Variants in ACSF3 observed in about 807,000 individuals in gnomAD.
ACSF3 encodes the protein malonate--CoA ligase ACSF3, mitochondrial.
In ACSF3, 78 loss-of-function variants were observed where a neutral mutation model predicts 53.2. The observed-to-expected ratio is 1.47, with a 90% confidence interval of 1.22 to 1.77. ACSF3 has a LOEUF of 1.77. Ranked by LOEUF, ACSF3 falls within the 40% of genes most tolerant of loss-of-function variation. ACSF3 has a pLI of 0.00. For missense variants in ACSF3, 937 were observed against 771.1 expected (o/e 1.22, Z -2.55); for synonymous variants, 414 against 333.1 (o/e 1.24, Z -2.65).
At chr16:89,127,722 G>A (rs1908430736) in intron 7 of ACSF3, among the ~76,000 whole-genome samples, 1 of 152,066 alleles carries the variant, frequency 6.6e-6, no homozygotes, top group East Asian at 1.9e-4. Flanking sequence ...AGTGCTTATA[G>A]GACTGTTCAG....
intron 7 of ACSF3, among the ~76,000 whole-genome samples, chr16:89,123,336 G>T (rs1907119078): frequency 6.6e-6 from 1 of 152,198 alleles, no homozygotes; most frequent in Admixed American, 6.5e-5. Flanking sequence ...GAGACCTGCT[G>T]CTCTCTCATG....
intron 6 of ACSF3, among the ~76,000 whole-genome samples, chr16:89,118,507 A>G (rs1305497840): frequency 6.6e-6 from 1 of 152,202 alleles, no homozygotes; most frequent in African/African-American, 2.4e-5. Flanking sequence ...GGCTCCAGCC[A>G]CAGGCTCTGA....
intron 7 of ACSF3, among the ~76,000 whole-genome samples, chr16:89,125,701 A>AGAGAGG (rs1002243024): frequency 6.6e-6 from 1 of 150,618 alleles, no homozygotes; most frequent in African/African-American, 2.4e-5. Flanking sequence ...AAAAAAAAAG[A>AGAGAGG]GAGAGAGAGA....
chr16:89,146,642 C>G (rs1913014569), intron 10 of ACSF3, among the ~76,000 whole-genome samples: 1 of 152,242 alleles, frequency 6.6e-6, no homozygotes, highest in African/African-American at 2.4e-5. Flanking sequence ...TCAGTCATTT[C>G]ACTTTCCCCT....
chr16:89,151,188 C>T (rs1244772561), intron 10 of ACSF3: 2 of 513,130 alleles, frequency 3.9e-6, no homozygotes, highest in South Asian at 1.5e-5. Flanking sequence ...AGATAACTCC[C>T]TTAAAAGACA....
intron 1 of ACSF3, among the ~76,000 whole-genome samples, chr16:89,094,406 C>T (rs1458691690): frequency 6.6e-6 from 1 of 152,222 alleles, no homozygotes; most frequent in East Asian, 1.9e-4. Flanking sequence ...CCTTGCTGGG[C>T]GCGTGGGGCA....
chr16:89,134,331 G>A (rs1051730936), intron 8 of ACSF3, among the ~76,000 whole-genome samples: 1 of 152,220 alleles, frequency 6.6e-6, no homozygotes, highest in Non-Finnish European at 1.5e-5. Flanking sequence ...GGAACCCAGT[G>A]ACTAGTGTTC....
intron 2 of ACSF3, among the ~76,000 whole-genome samples, chr16:89,100,148 C>T (rs140205833): frequency 0.011 from 1,628 of 152,320 alleles, 17 homozygotes; most frequent in Non-Finnish European, 0.017. Flanking sequence ...CTCAAAAAAA[C>T]GAACCTTGGC....
intron 10 of ACSF3, chr16:89,151,826 C>G (rs999404856): frequency 4.6e-5 from 7 of 152,224 alleles, no homozygotes; most frequent in East Asian, 1.9e-4. Context: ...AAGCTGGTCT[C>G]GAACTCCTGA....
chr16:89,132,784 G>A (rs1269026691), intron 7 of ACSF3, among the ~76,000 whole-genome samples: 1 of 152,200 alleles, frequency 6.6e-6, no homozygotes, highest in Admixed American at 6.5e-5. Flanking sequence ...CAGGCTGCCT[G>A]AATCCAGCCC....
rs1390342180 is a variant in ACSF3 at position 89,154,340 on chromosome 16, A to T, written c.*133A>T. ...CCAAATCAGGTCACGTAGAATCAAG[A>T]ACTGTTTGGGATGAAATCACCATGT... is the stretch of plus-strand genomic sequence containing the variant. On this transcript the variant is annotated 3_prime_UTR_variant, in exon 11 of 11. Coordinates refer to ENST00000614302, the MANE Select transcript of ACSF3 (RefSeq NM_001243279.3). 1.2e-6 allele frequency: 1 copy of T among 861,328 alleles called. No individual in the cohort carries two copies. The highest frequency in any genetic ancestry group is 1.7e-5 in the African/African-American group (1 of 59,954). The allele number at this position is 861,328 out of a possible 1,614,324, so 53.4% of individuals were successfully genotyped here.
At chr16:89,137,636 G>C in intron 8 of ACSF3, among the ~76,000 whole-genome samples, 1 of 150,228 alleles carries the variant, frequency 6.7e-6, no homozygotes. Flanking sequence ...ACCACCAGGA[G>C]CTCACGGGGA....
intron 8 of ACSF3, among the ~76,000 whole-genome samples, chr16:89,135,498 C>T (rs1040456510): frequency 9.9e-5 from 15 of 152,268 alleles, no homozygotes; most frequent in African/African-American, 3.1e-4. Context: ...CTGGGAGGCA[C>T]CTTCGTGGGC....
intron 6 of ACSF3, among the ~76,000 whole-genome samples, chr16:89,116,816 A>G (rs1219582152): frequency 6.6e-6 from 1 of 151,748 alleles, no homozygotes; most frequent in East Asian, 1.9e-4. Context: ...GGAAACCTCC[A>G]CCTCCGTCAG....
rs374427890 is a variant in ACSF3, at chr16:89,110,392, G to C, written c.823-1700G>C. 4.6e-5 allele frequency among the ~76,000 whole-genome samples: 7 copies of C among 152,200 alleles called. No homozygotes were observed. In the East Asian group the frequency reaches 9.6e-4, roughly 21 times the overall value. ...GATATTCAGTGTGTCAGTGCCATTTGTGAGAAAGATTATCCTTTTGTCCTT... is the reference window on the plus strand; with the variant it reads ...GATATTCAGTGTGTCAGTGCCATTTCTGAGAAAGATTATCCTTTTGTCCTT... On this transcript the variant is annotated intron_variant, in intron 4 of 10. Coordinates refer to ENST00000614302, the MANE Select transcript of ACSF3 (RefSeq NM_001243279.3).
At chr16:89,129,608 T>C (rs1293502890) in intron 7 of ACSF3, among the ~76,000 whole-genome samples, 1 of 152,230 alleles carries the variant, frequency 6.6e-6, no homozygotes, top group Non-Finnish European at 1.5e-5. Context: ...ACCATTTACA[T>C]TTAATGTAAT....
At chr16:89,109,698 C>T (rs1437486924) in intron 4 of ACSF3, among the ~76,000 whole-genome samples, 1 of 152,046 alleles carries the variant, frequency 6.6e-6, no homozygotes, top group Non-Finnish European at 1.5e-5. Flanking sequence ...AGCCGTGAGC[C>T]CGCCGCACCC....
intron 7 of ACSF3, among the ~76,000 whole-genome samples, chr16:89,124,206 GA>G (rs1598002747): frequency 1.3e-5 from 2 of 152,020 alleles, no homozygotes; most frequent in South Asian, 2.1e-4. Flanking sequence ...CATAAATACA[GA>G]AAAAAAGACC....
Position 89,155,993 on chromosome 16 carries a change from G to T in ACSF3, c.*1786G>T, listed in dbSNP as rs575857695. The T allele has an allele frequency of 2.8e-6, 1 of 360,346 alleles. No homozygotes were observed. The highest frequency in any genetic ancestry group is 3.8e-5 in the Admixed American group (1 of 26,494). 22.3% of individuals were successfully genotyped at this position (360,346 alleles called of 1,614,324 possible). Reference sequence around the variant, plus strand: ...ACAAACTACAGAAAGCCTGGAGCTCGTTGACCAGCCGGTTGACCAGAATAC... The same window carrying T: ...ACAAACTACAGAAAGCCTGGAGCTCTTTGACCAGCCGGTTGACCAGAATAC... On this transcript the variant is annotated 3_prime_UTR_variant, in exon 11 of 11. Coordinates refer to ENST00000614302, the MANE Select transcript of ACSF3 (RefSeq NM_001243279.3).
Sources: allele counts gnomAD v4.1 joint callset (sites outside exome capture counted in the v4.1 genomes callset), GRCh38; gene constraint gnomAD v4.1.1; transcripts MANE v1.5; gene names NCBI Gene and HGNC (gene_info 2026-07-23, HGNC 2026-07-21).